The following CLVS1 variants were observed in gnomAD, a reference collection of about 807,000 sequenced individuals.
CLVS1 encodes clavesin 1, also known as clavesin-1.
Under a neutral mutation model 33.1 loss-of-function variants are expected in CLVS1, and 10 were observed. The ratio of observed to expected loss-of-function variants is 0.30; its 90% CI spans 0.19 to 0.51. The LOEUF (loss-of-function observed/expected upper bound fraction) is 0.51, where lower values mean the gene tolerates loss of function less well. Ranked by LOEUF, CLVS1 falls within the 20% of genes least tolerant of loss-of-function variation. The pLI, the probability that CLVS1 is intolerant of heterozygous loss-of-function variation, is 0.97. For missense variants in CLVS1, 343 were observed against 433.4 expected (o/e 0.79, Z 1.85); for synonymous variants, 163 against 166.1 (o/e 0.98, Z 0.14).
chr8:61,362,981 G>A (rs1180519887), intron 2 of CLVS1, among the ~76,000 whole-genome samples: 1 of 152,194 alleles, frequency 6.6e-6, no homozygotes, highest in Admixed American at 6.5e-5. Flanking sequence ...CTAGGAAAGC[G>A]CTCCTTGTAA....
chr8:61,034,828 A>G, the CLVS1 span, among the ~76,000 whole-genome samples: 4 of 152,182 alleles, frequency 2.6e-5, no homozygotes, highest in African/African-American at 9.7e-5. Flanking sequence ...GAAAACAGAG[A>G]GAGATTACAG....
At chr8:61,057,576 T>G (rs756941711) in intron 1 of CLVS1, among the ~76,000 whole-genome samples, 26 of 152,202 alleles carry the variant, frequency 1.7e-4, no homozygotes, top group Admixed American at 3.9e-4. Flanking sequence ...CTTCTCATTC[T>G]TATATAGGCT....
At chr8:61,052,221 C>A (rs1404998068), upstream of CLVS1, among the ~76,000 whole-genome samples, 1 of 152,198 alleles carries the variant, frequency 6.6e-6, no homozygotes, top group African/African-American at 2.4e-5. Context: ...ACAACTCCAC[C>A]TCCCCCTGTG....
chr8:61,411,548 C>A (rs576287494), intron 3 of CLVS1, among the ~76,000 whole-genome samples: 1 of 152,154 alleles, frequency 6.6e-6, no homozygotes, highest in South Asian at 2.1e-4. Context: ...AACCCTATGC[C>A]GAGGCAGCAG....
rs367852221 is a variant in CLVS1 at position 61,354,252 on chromosome 8, A to G, written c.456-22353A>G. Among the ~76,000 whole-genome samples the G allele has an allele frequency of 2.1e-3, 319 of 152,220 alleles. 2 individuals carry two copies. Among genetic ancestry groups the G allele is most frequent in the African/African-American group, 7.1e-3 (294 of 41,574 alleles). On this transcript the variant is annotated intron_variant, in intron 2 of 5. Transcript: ENST00000325897. Reference sequence around the variant, plus strand: ...CTAGTTATTAGGGAAACGCCAATCAAGACCACAATGAGATACACGCCTACC... The same window carrying G: ...CTAGTTATTAGGGAAACGCCAATCAGGACCACAATGAGATACACGCCTACC...
the CLVS1 span, among the ~76,000 whole-genome samples, chr8:61,000,323 C>T: frequency 6.6e-6 from 1 of 152,220 alleles, no homozygotes; most frequent in Non-Finnish European, 1.5e-5. Flanking sequence ...AACACTGTTT[C>T]TCTCAGGAAG....
At chr8:61,026,661 A>G in the CLVS1 span, among the ~76,000 whole-genome samples, 2 of 152,350 alleles carry the variant, frequency 1.3e-5, no homozygotes, top group South Asian at 4.1e-4. Context: ...CGCTACTGCC[A>G]TGTGTAAACC....
At chr8:61,023,653 G>T in the CLVS1 span, among the ~76,000 whole-genome samples, 1 of 152,146 alleles carries the variant, frequency 6.6e-6, no homozygotes, top group Admixed American at 6.5e-5. Flanking sequence ...AGCGCTCGTG[G>T]CGGGCCCGGT....
intron 2 of CLVS1, among the ~76,000 whole-genome samples, chr8:61,174,425 GAC>G (rs1303862513): frequency 7.0e-6 from 1 of 143,762 alleles, no homozygotes; most frequent in Non-Finnish European, 1.5e-5. Context: ...AACAGAGTGA[GAC>G]TGTCTCAAAA....
At chr8:61,156,129 G>A (rs540430431) in intron 2 of CLVS1, among the ~76,000 whole-genome samples, 4 of 149,078 alleles carry the variant, frequency 2.7e-5, no homozygotes, top group East Asian at 4.0e-4. Context: ...CAGGAGGATC[G>A]CTTGAACCCG....
chr8:61,089,088 A>C (rs113405114), intron 1 of CLVS1, among the ~76,000 whole-genome samples: 329 of 152,254 alleles, frequency 2.2e-3, no homozygotes, highest in Admixed American at 5.7e-3. Context: ...GGTGTGAGCC[A>C]CCGGGCCCGG....
intron 2 of CLVS1, among the ~76,000 whole-genome samples, chr8:61,364,043 T>C (rs1213820477): frequency 6.6e-6 from 1 of 152,240 alleles, no homozygotes; most frequent in East Asian, 1.9e-4. Flanking sequence ...CAAAGGGGAC[T>C]TTTCTGCCCA....
At chr8:60,979,882 T>C in the CLVS1 span, among the ~76,000 whole-genome samples, 1 of 152,182 alleles carries the variant, frequency 6.6e-6, no homozygotes, top group African/African-American at 2.4e-5. Flanking sequence ...TAAACTCTGG[T>C]CCAGTGCACT....
chr8:61,009,767 G>T, the CLVS1 span, among the ~76,000 whole-genome samples: 1 of 152,174 alleles, frequency 6.6e-6, no homozygotes, highest in Non-Finnish European at 1.5e-5. Context: ...AGACACTGCC[G>T]ATGGGGTGGG....
At chr8:61,262,657 C>T (rs1264196317) in intron 2 of CLVS1, among the ~76,000 whole-genome samples, 1 of 152,188 alleles carries the variant, frequency 6.6e-6, no homozygotes, top group Non-Finnish European at 1.5e-5. Context: ...ATTAGGCATC[C>T]TCCCTCTGCT....
intron 5 of CLVS1, among the ~76,000 whole-genome samples, chr8:61,475,945 C>T (rs1021410429): frequency 1.3e-5 from 2 of 152,154 alleles, no homozygotes; most frequent in Non-Finnish European, 2.9e-5. Flanking sequence ...CCATTTAAGT[C>T]TTTAATCCAT....
chr8:61,493,098 C>T (rs1170507205), intron 5 of CLVS1, among the ~76,000 whole-genome samples: 2 of 152,114 alleles, frequency 1.3e-5, no homozygotes, highest in Admixed American at 6.5e-5. Context: ...TGTGTTACTT[C>T]TAAAAATTTA....
intron 2 of CLVS1, among the ~76,000 whole-genome samples, chr8:61,179,770 A>G (rs1456695222): frequency 6.6e-6 from 1 of 152,230 alleles, no homozygotes. Context: ...TTAAGTTAGA[A>G]ATCAAGACGT....
chr8:61,457,129 G>A (rs531272325), intron 4 of CLVS1, among the ~76,000 whole-genome samples: 2 of 151,864 alleles, frequency 1.3e-5, no homozygotes, highest in African/African-American at 4.8e-5. Context: ...TAGAGACAGG[G>A]TTTCAACATG....
Sources: gnomAD v4.1 joint callset for allele counts (sites outside exome capture counted in the v4.1 genomes callset) on GRCh38, gnomAD v4.1.1 for gene constraint, MANE v1.5 for transcripts, NCBI Gene and HGNC (gene_info 2026-07-23, HGNC 2026-07-21) for gene names.